Variants in PHACTR2 observed in about 807,000 individuals in gnomAD.
The protein encoded by PHACTR2 is phosphatase and actin regulator 2, also known as chromosome 6 open reading frame 56.
A neutral mutation model predicts 76.0 loss-of-function variants in PHACTR2; 30 were observed. That is an observed-to-expected ratio of 0.39 (90% confidence interval 0.30 to 0.54). The LOEUF (loss-of-function observed/expected upper bound fraction) is 0.54, where lower values mean the gene tolerates loss of function less well. Ranked by LOEUF, PHACTR2 falls within the 20% of genes least tolerant of loss-of-function variation. The pLI is 0.61. For synonymous variants in PHACTR2, 292 were observed against 292.5 expected, an observed-to-expected ratio of 1.00 and a Z score of 0.02; for missense variants, 696 against 781.1, an observed-to-expected ratio of 0.89 and a Z score of 1.30.
chr6:143,749,989 A>C (rs1356020443), intron 3 of PHACTR2, among the ~76,000 whole-genome samples: 1 of 152,252 alleles, frequency 6.6e-6, no homozygotes, highest in Non-Finnish European at 1.5e-5. Flanking sequence ...AAATTGAAAT[A>C]ATAATACAGC....
At position 143,598,665 on chromosome 6, in the gene PHACTR2, T is replaced by A. The variant is rs961618915; in HGVS notation, c.217+61458T>A. Among the ~76,000 whole-genome samples, 14 of 152,236 alleles carry A rather than the reference T, an allele frequency of 9.2e-5. No homozygotes were observed. The highest frequency in any genetic ancestry group is 2.9e-4 in the African/African-American group (12 of 41,460). ...CATGGCTTCCCCTTCCTGGCCTATG[T>A]CCCTGTGGATATGTTAGAACCTGGT... On this transcript the variant is annotated intron_variant, in intron 1 of 11. Coordinates refer to the PHACTR2 transcript ENST00000367584. The surrounding 1 kb of genome is among the most constrained non-coding windows in gnomAD (Gnocchi z 4.1).
chr6:143,563,878 C>T (rs904433615), intron 1 of PHACTR2, among the ~76,000 whole-genome samples: 2 of 151,426 alleles, frequency 1.3e-5, no homozygotes, highest in African/African-American at 4.9e-5. Flanking sequence ...GTGGCGCACA[C>T]CTGTGGTCCC....
At chr6:143,747,111 G>T (rs1278985810) in intron 2 of PHACTR2, among the ~76,000 whole-genome samples, 2 of 152,138 alleles carry the variant, frequency 1.3e-5, no homozygotes, top group Non-Finnish European at 2.9e-5. Context: ...GTGCAGTAAA[G>T]AGCTTATATA....
chr6:143,821,965 G>A lies in PHACTR2; in HGVS notation c.1923-1709G>A, dbSNP rs1041208914. ...AGATCGCACCACTGCACTCCAGCCT[G>A]GGCAATAGGAGTGAAACCCTGTCCC... On this transcript the variant is annotated intron_variant, in intron 12 of 12. Transcript: ENST00000440869. The surrounding 1 kb of genome is among the most constrained non-coding windows in gnomAD (Gnocchi z 5.2). 2.6e-5 allele frequency among the ~76,000 whole-genome samples: 4 copies of A among 152,150 alleles called. No individual in the cohort carries two copies. In the East Asian group the frequency reaches 5.8e-4, roughly 22 times the overall value.
chr6:143,568,053 T>C (rs1472064579), intron 1 of PHACTR2, among the ~76,000 whole-genome samples: 1 of 152,216 alleles, frequency 6.6e-6, no homozygotes, highest in African/African-American at 2.4e-5. Flanking sequence ...ACCATGATAT[T>C]ATAAACACTT....
rs910132078 is a variant in PHACTR2, at chr6:143,695,341, T to G, written c.47-16675T>G. 6.6e-6 allele frequency among the ~76,000 whole-genome samples: 1 copy of G among 152,202 alleles called. No homozygotes were observed. Among genetic ancestry groups the G allele is most frequent in the African/African-American group, 2.4e-5 (1 of 41,450 alleles). On this transcript the variant is annotated intron_variant, in intron 1 of 12. Coordinates refer to ENST00000440869, the MANE Select transcript of PHACTR2 (RefSeq NM_001100164.2). This position sits in a 1 kb window ranked among gnomAD's most constrained non-coding sequence, Gnocchi z 4.4. The stretch of plus-strand genomic sequence containing the variant: ...AGGCATCTTGCAGATTAGAATATGC[T>G]GAGCACTCAATCTGAGGAAGGTTAA...
At chr6:143,631,183 A>C (rs1776357047) in intron 1 of PHACTR2, among the ~76,000 whole-genome samples, 1 of 151,918 alleles carries the variant, frequency 6.6e-6, no homozygotes, top group Non-Finnish European at 1.5e-5. Flanking sequence ...ATTCTTTTTT[A>C]TTTTTATTTA....
In PHACTR2 at chr6:143,537,135, G is replaced by A. The variant is rs1037290370; in HGVS notation, c.145G>A (p.Gly49Ser). Reference sequence around the variant, plus strand: ...GCTTCCCGGGGACCCGAGCCCCCGCGGCCGCTCACAGAGCGACCTCTCGTC... The same window carrying A: ...GCTTCCCGGGGACCCGAGCCCCCGCAGCCGCTCACAGAGCGACCTCTCGTC... Residue 49 changes from glycine to serine, a missense_variant, in exon 1 of 12, where the codon GGC becomes AGC. Physicochemically the swap from Gly to Ser is moderately conservative, Grantham distance 56 (BLOSUM62 0). Coordinates refer to the PHACTR2 transcript ENST00000367584. This position sits in a 1 kb window ranked among gnomAD's most constrained non-coding sequence, Gnocchi z 4.4. 3.1e-6 allele frequency: 1 copy of A among 322,834 alleles called. No homozygotes were observed. The highest frequency in any genetic ancestry group is 6.0e-6 in the Non-Finnish European group (1 of 165,516). The allele number at this position is 322,834 out of a possible 1,614,324, so 20.0% of individuals were successfully genotyped here. A position where few individuals can be genotyped will look rare whatever the true frequency, so the allele number is the denominator to read the frequency against.
intron 1 of PHACTR2, among the ~76,000 whole-genome samples, chr6:143,568,793 A>G (rs1775398349): frequency 6.6e-6 from 1 of 152,196 alleles, no homozygotes; most frequent in Non-Finnish European, 1.5e-5. Flanking sequence ...TGATAGATCT[A>G]TGTTGACCTG....
At chr6:143,797,159 A>G (rs1775845866) in intron 11 of PHACTR2, among the ~76,000 whole-genome samples, 1 of 152,214 alleles carries the variant, frequency 6.6e-6, no homozygotes, top group Admixed American at 6.5e-5. Flanking sequence ...TCTCATGACC[A>G]GTGATGATGA....
chr6:143,748,957 T>G (rs774188981), intron 2 of PHACTR2, 28 bp from the exon 3 acceptor site: 2 of 1,151,058 alleles, frequency 1.7e-6, no homozygotes, highest in Admixed American at 3.6e-5. Context: ...ATGACTTGAT[T>G]CTTACTTGTG....
rs1473778077 is a variant in PHACTR2, at chr6:143,793,363, C to G, written c.1845+4453C>G. 6.6e-6 allele frequency among the ~76,000 whole-genome samples: 1 copy of G among 151,968 alleles called. No homozygotes were observed. The highest frequency in any genetic ancestry group is 1.5e-5 in the Non-Finnish European group (1 of 68,002). ...ACATGACCAGGTTTTCTGCCACAGGCTTTGTTTCTGTTCATGAGTGCTTTG... is the reference window on the plus strand; with the variant it reads ...ACATGACCAGGTTTTCTGCCACAGGGTTTGTTTCTGTTCATGAGTGCTTTG... On this transcript the variant is annotated intron_variant, in intron 11 of 12. Transcript: ENST00000440869. This position sits in a 1 kb window ranked among gnomAD's most constrained non-coding sequence, Gnocchi z 4.4.
chr6:143,765,527 C>G lies in PHACTR2; in HGVS notation c.961C>G (p.Pro321Ala). The change falls in exon 6 of 13, where the codon CCT becomes GCT. Residue 321 changes from proline (P) to alanine (A), a missense_variant. Physicochemically the swap from Pro to Ala is conservative, Grantham distance 27 (BLOSUM62 -1). Around this residue, in one of 2 missense-constraint regions of PHACTR2, gnomAD observed 460 missense variants for 450.9 expected, o/e 1.02. Coordinates refer to ENST00000440869, the MANE Select transcript of PHACTR2 (RefSeq NM_001100164.2). The surrounding 1 kb of genome is among the most constrained non-coding windows in gnomAD (Gnocchi z 4.1). ...VESFKLEQTV[P>A]GAEEQNTGKF... ...GAGTTTCAAACTCGAACAGACTGTC[C>G]CTGGAGCTGAGGAGCAGAACACAGG... The G allele has an allele frequency of 6.2e-7, 1 of 1,614,188 alleles. No homozygotes were observed. Among genetic ancestry groups the G allele is most frequent in the Non-Finnish European group, 8.5e-7 (1 of 1,180,036 alleles).
At chr6:143,669,889 C>A (rs1777116219) in intron 1 of PHACTR2, among the ~76,000 whole-genome samples, 1 of 152,120 alleles carries the variant, frequency 6.6e-6, no homozygotes, top group Non-Finnish European at 1.5e-5. Flanking sequence ...TTGATCCTGT[C>A]ATTATGATGC....
intron 1 of PHACTR2, among the ~76,000 whole-genome samples, chr6:143,582,250 C>G (rs767010611): frequency 9.9e-5 from 15 of 152,146 alleles, no homozygotes; most frequent in Non-Finnish European, 1.9e-4. Context: ...TCCTGCAATT[C>G]CCATACATTG....
In PHACTR2 at chr6:143,623,909, C is replaced by T. The variant is rs1313236344; in HGVS notation, c.13+15587C>T. Among the ~76,000 whole-genome samples the T allele has an allele frequency of 6.6e-6, 1 of 152,164 alleles. No individual in the cohort carries two copies. The highest frequency in any genetic ancestry group is 1.5e-5 in the Non-Finnish European group (1 of 68,036). On this transcript the variant is annotated intron_variant, in intron 1 of 11. Coordinates refer to the PHACTR2 transcript ENST00000305766. The surrounding 1 kb of genome is among the most constrained non-coding windows in gnomAD (Gnocchi z 5.9). ...CTTACCATGTATGATGCACAATATT[C>T]TGGGTACACTCAGAGCACCCCCATA... is the stretch of plus-strand genomic sequence containing the variant.
Position 143,597,333 on chromosome 6 carries a change from G to A in PHACTR2, c.217+60126G>A, listed in dbSNP as rs2128435276. Among the ~76,000 whole-genome samples the A allele has an allele frequency of 6.6e-6, 1 of 152,324 alleles. No individual in the cohort carries two copies. Among genetic ancestry groups the A allele is most frequent in the East Asian group, 1.9e-4 (1 of 5,182 alleles). On this transcript the variant is annotated intron_variant, in intron 1 of 11. Coordinates refer to the PHACTR2 transcript ENST00000367584. This position sits in a 1 kb window ranked among gnomAD's most constrained non-coding sequence, Gnocchi z 5.7. ...CTTTTTTGCCTTGAGCAGTTGTACG[G>A]AAACATAATACTGGCTTCCAGGTGA...
rs1313530278 is a variant in PHACTR2, at chr6:143,621,281, T to G, written c.13+12959T>G. Among the ~76,000 whole-genome samples the G allele has an allele frequency of 1.3e-5, 2 of 152,180 alleles. No homozygotes were observed. Among genetic ancestry groups the G allele is most frequent in the Non-Finnish European group, 2.9e-5 (2 of 68,028 alleles). ...AGGCCCCCACAGGTTTCATTCTGGC[T>G]TCTTCAATTTGGTGTGAATTGACAA... On this transcript the variant is annotated intron_variant, in intron 1 of 11. Coordinates refer to the PHACTR2 transcript ENST00000305766. This position sits in a 1 kb window ranked among gnomAD's most constrained non-coding sequence, Gnocchi z 4.1.
At chr6:143,740,063 CAGCCCTGAGGGCTGCTGG>C (rs1327512882) in intron 2 of PHACTR2, among the ~76,000 whole-genome samples, 1 of 152,182 alleles carries the variant, frequency 6.6e-6, no homozygotes, top group African/African-American at 2.4e-5. Context: ...ATAGACGGAG[CAGCCCTGAGGGCTGCTGG>C]TTGCCGTTTT....
Sources: allele counts gnomAD v4.1 joint callset (sites outside exome capture counted in the v4.1 genomes callset), GRCh38; gene constraint gnomAD v4.1.1; regional missense constraint gnomAD v4.1.1; non-coding constraint Gnocchi (gnomAD v3.1); transcripts MANE v1.5; gene names NCBI Gene and HGNC (gene_info 2026-07-23, HGNC 2026-07-21).